The following FSHR variants were observed in gnomAD, a reference collection of about 807,000 sequenced individuals.
The protein encoded by FSHR is follicle stimulating hormone receptor, also known as follicle-stimulating hormone receptor.
In FSHR, 46 loss-of-function variants were observed where a neutral mutation model predicts 52.1. The ratio of observed to expected loss-of-function variants is 0.88; its 90% CI spans 0.70 to 1.13. The LOEUF (loss-of-function observed/expected upper bound fraction) is 1.13. Among genes scored for constraint, FSHR ranks in the 50% most tolerant of loss-of-function variants. The pLI is 0.00. For missense variants in FSHR, 964 were observed against 834.6 expected, an observed-to-expected ratio of 1.16 and a Z score of -1.91; for synonymous variants, 399 against 309.6, an observed-to-expected ratio of 1.29 and a Z score of -3.03.
intron 1 of FSHR, among the ~76,000 whole-genome samples, chr2:49,147,324 C>G (rs1471595715): frequency 6.6e-6 from 1 of 152,030 alleles, no homozygotes; most frequent in African/African-American, 2.4e-5. Context: ...ATTGGAGAGT[C>G]TAAATCTAAG....
At chr2:48,989,941 A>G (rs1675694907) in intron 5 of FSHR, among the ~76,000 whole-genome samples, 1 of 152,114 alleles carries the variant, frequency 6.6e-6, no homozygotes, top group African/African-American at 2.4e-5. Context: ...AGAAATTCTG[A>G]AAGATTTTCA....
intron 1 of FSHR, 76 bp from the exon 2 acceptor site, chr2:49,068,366 GCAAA>G: frequency 8.1e-7 from 1 of 1,227,660 alleles, no homozygotes; most frequent in Non-Finnish European, 1.2e-6. Context: ...ATTCATATCA[GCAAA>G]CAGTTACCAT....
intron 2 of FSHR, among the ~76,000 whole-genome samples, chr2:49,053,577 G>C (rs1012758685): frequency 6.6e-6 from 1 of 152,090 alleles, no homozygotes; most frequent in Non-Finnish European, 1.5e-5. Context: ...CCCCCACAAA[G>C]TCTCAAAGCA....
At chr2:49,127,843 TC>T (rs1558456792) in intron 1 of FSHR, among the ~76,000 whole-genome samples, 358 of 18,034 alleles carry the variant, frequency 0.02, 34 homozygotes, top group East Asian at 0.06. Flanking sequence ...TTCTTCTTCT[TC>T]TTCTTCTTCT....
chr2:49,069,160 G>A (rs1441781313), intron 1 of FSHR, among the ~76,000 whole-genome samples: 2 of 152,060 alleles, frequency 1.3e-5, no homozygotes, highest in Non-Finnish European at 2.9e-5. Context: ...CCCTACAAGA[G>A]CTTTCTCTTC....
At chr2:49,118,572 AACT>A (rs1344929167) in intron 1 of FSHR, among the ~76,000 whole-genome samples, 1 of 152,192 alleles carries the variant, frequency 6.6e-6, no homozygotes, top group Non-Finnish European at 1.5e-5. Context: ...GCAAAAAAGA[AACT>A]GCTGAAATAG....
intron 2 of FSHR, among the ~76,000 whole-genome samples, chr2:49,034,440 A>G (rs114345116): frequency 0.01 from 1,590 of 152,344 alleles, 23 homozygotes; most frequent in African/African-American, 0.036. Flanking sequence ...GCAAAGTGGT[A>G]TATGCAGGTG....
intron 1 of FSHR, among the ~76,000 whole-genome samples, chr2:49,130,445 C>A (rs866967841): frequency 2.0e-5 from 3 of 152,158 alleles, no homozygotes; most frequent in East Asian, 1.9e-4. Flanking sequence ...AATACTCTGG[C>A]CTTCATTCTG....
chr2:48,969,562 T>A (rs1305766030), intron 8 of FSHR, among the ~76,000 whole-genome samples: 1 of 117,096 alleles, frequency 8.5e-6, no homozygotes, highest in African/African-American at 3.3e-5. Context: ...AAAAATCCTA[T>A]GTGTACCTCA....
chr2:49,058,600 A>G (rs750707917), intron 2 of FSHR, among the ~76,000 whole-genome samples: 6 of 152,218 alleles, frequency 3.9e-5, no homozygotes, highest in African/African-American at 7.2e-5. Flanking sequence ...CAAATTCAGT[A>G]AAGTTGAAAG....
intron 2 of FSHR, among the ~76,000 whole-genome samples, chr2:49,020,999 A>G (rs1424179618): frequency 6.6e-6 from 1 of 152,172 alleles, no homozygotes; most frequent in East Asian, 1.9e-4. Flanking sequence ...TGGGCTTAAT[A>G]CCTAGGTGAT....
intron 1 of FSHR, among the ~76,000 whole-genome samples, chr2:49,134,749 G>A (rs550456439): frequency 9.9e-5 from 15 of 152,146 alleles, no homozygotes; most frequent in Non-Finnish European, 1.3e-4. Context: ...AAAATGATGC[G>A]TTCATGTCCT....
chr2:49,031,518 A>T (rs1400554379), intron 2 of FSHR, among the ~76,000 whole-genome samples: 1 of 152,258 alleles, frequency 6.6e-6, no homozygotes, highest in African/African-American at 2.4e-5. Context: ...AGCTATAATT[A>T]CATGGCTAAT....
At chr2:49,075,863 C>T (rs1473595759) in intron 1 of FSHR, among the ~76,000 whole-genome samples, 1 of 152,138 alleles carries the variant, frequency 6.6e-6, no homozygotes, top group East Asian at 1.9e-4. Context: ...TGGTCTTCAA[C>T]TCCTTGGCTG....
intron 2 of FSHR, among the ~76,000 whole-genome samples, chr2:49,063,002 A>C (rs1669369732): frequency 6.6e-6 from 1 of 152,174 alleles, no homozygotes; most frequent in Non-Finnish European, 1.5e-5. Context: ...TAGTACAGCC[A>C]TTATTTAAAA....
intron 1 of FSHR, among the ~76,000 whole-genome samples, chr2:49,073,281 A>G (rs1262612067): frequency 6.6e-6 from 1 of 152,084 alleles, no homozygotes; most frequent in Non-Finnish European, 1.5e-5. Flanking sequence ...TCCTACTTGC[A>G]GATTACATGA....
chr2:49,026,863 C>T (rs1187744884), intron 2 of FSHR, among the ~76,000 whole-genome samples: 2 of 152,178 alleles, frequency 1.3e-5, no homozygotes, highest in Admixed American at 6.5e-5. Flanking sequence ...CCCCTGAGGT[C>T]ACCTCATTCC....
intron 4 of FSHR, among the ~76,000 whole-genome samples, chr2:49,003,083 G>T (rs1329509143): frequency 6.6e-6 from 1 of 152,140 alleles, no homozygotes; most frequent in Non-Finnish European, 1.5e-5. Flanking sequence ...GTTATTTGTG[G>T]ATTGTTTTCT....
intron 2 of FSHR, among the ~76,000 whole-genome samples, chr2:49,057,328 A>T (rs1281193543): frequency 2.0e-5 from 3 of 152,170 alleles, no homozygotes; most frequent in Non-Finnish European, 2.9e-5. Context: ...TGAAAAACAT[A>T]CACAATGACA....
Sources: allele counts gnomAD v4.1 joint callset (sites outside exome capture counted in the v4.1 genomes callset), GRCh38; gene constraint gnomAD v4.1.1; transcripts MANE v1.5; gene names NCBI Gene and HGNC (gene_info 2026-07-23, HGNC 2026-07-21).